MRC1: variants seen among roughly 807,000 people sequenced by gnomAD.
MRC1 encodes macrophage mannose receptor 1.
A neutral mutation model predicts 102.9 loss-of-function variants in MRC1; 62 were observed. That is an observed-to-expected ratio of 0.60 (90% CI 0.49 to 0.74). MRC1 has a LOEUF of 0.74. Among genes scored for constraint, MRC1 ranks in the 30% least tolerant of loss-of-function variants. The pLI, the probability that MRC1 is intolerant of heterozygous loss-of-function variation, is 0.00. For missense variants in MRC1, 1,237 were observed against 862.8 expected, an observed-to-expected ratio of 1.43 and a Z score of -5.43; for synonymous variants, 457 against 298.4, an observed-to-expected ratio of 1.53 and a Z score of -5.48.
intron 22 of MRC1, among the ~76,000 whole-genome samples, chr10:17,887,871 C>G (rs913656668): frequency 6.6e-6 from 1 of 152,142 alleles, no homozygotes; most frequent in Non-Finnish European, 1.5e-5. Flanking sequence ...GGTGCAATCT[C>G]GGCTCACTGC....
chr10:17,871,791 A>G (rs1833358468), intron 14 of MRC1, among the ~76,000 whole-genome samples, 191 bp from the exon 15 acceptor site: 1 of 152,214 alleles, frequency 6.6e-6, no homozygotes. Context: ...CAACATCACA[A>G]GGTTCCATGT....
chr10:17,828,289 G>C (rs1468034046), intron 3 of MRC1, among the ~76,000 whole-genome samples: 1 of 151,352 alleles, frequency 6.6e-6, no homozygotes, highest in Non-Finnish European at 1.5e-5. Context: ...TGTTAGCCAG[G>C]ATGGTCTCGA....
At chr10:17,811,931 G>C (rs1361004828) in intron 1 of MRC1, among the ~76,000 whole-genome samples, 1 of 152,014 alleles carries the variant, frequency 6.6e-6, no homozygotes, top group Non-Finnish European at 1.5e-5. Flanking sequence ...GCATGTGATT[G>C]GAGGAATTTG....
In MRC1 at chr10:17,901,912, G is replaced by T; in HGVS notation, c.3650-61G>T. 6 of 780,510 alleles carry T rather than the reference G, an allele frequency of 7.7e-6. No individual in the cohort carries two copies. In the South Asian group the frequency reaches 8.1e-5, roughly 10 times the overall value. 48.3% of individuals were successfully genotyped at this position (780,510 alleles called of 1,614,324 possible). On this transcript the variant is annotated intron_variant, in intron 25 of 29. Transcript: ENST00000569591. ...TCAGTTTTTGTAGCTGCTAATGTAT[G>T]ATGCTACACACTACAGAAACTTCAG... is the stretch of plus-strand genomic sequence containing the variant.
At position 17,842,997 on chromosome 10, in the gene MRC1, A is replaced by G. The variant is rs1359174497; in HGVS notation, c.916+2191A>G. On this transcript the variant is annotated intron_variant, in intron 5 of 29. Coordinates refer to ENST00000569591, the MANE Select transcript of MRC1 (RefSeq NM_002438.4). ...CGGTTTCATATTTGTTCAGTCAAGC[A>G]TTCAATTGAATAATTACCAAGTAAT... Among the ~76,000 whole-genome samples, 5 of 152,358 alleles carry G rather than the reference A, an allele frequency of 3.3e-5. No individual in the cohort carries two copies. In the South Asian group the frequency reaches 1.0e-3, roughly 32 times the overall value.
chr10:17,809,579 C>T (rs1838191577), intron 1 of MRC1, 53 bp downstream of exon 1: 1 of 864,304 alleles, frequency 1.2e-6, no homozygotes, highest in Admixed American at 1.7e-5. Flanking sequence ...GGAACCACAC[C>T]TTCCTCTTCT....
chr10:17,874,454 G>A (rs1833398414), intron 16 of MRC1, among the ~76,000 whole-genome samples: 1 of 152,134 alleles, frequency 6.6e-6, no homozygotes, highest in Middle Eastern at 3.2e-3. Flanking sequence ...GATGATCCAA[G>A]ATAACCCTCC....
intron 6 of MRC1, among the ~76,000 whole-genome samples, chr10:17,845,677 T>C (rs1371305130): frequency 6.6e-6 from 1 of 152,024 alleles, no homozygotes; most frequent in Non-Finnish European, 1.5e-5. Flanking sequence ...TCCCAATCAG[T>C]CCTCTGAGGT....
chr10:17,853,191 C>A, intron 8 of MRC1, 67 bp downstream of exon 8: 1 of 775,402 alleles, frequency 1.3e-6, no homozygotes, highest in South Asian at 1.4e-5. Flanking sequence ...CTGTCCCAGT[C>A]AGTTACATAT....
intron 16 of MRC1, among the ~76,000 whole-genome samples, 161 bp from the exon 17 acceptor site, chr10:17,874,929 A>T (rs887161295): frequency 3.3e-5 from 5 of 152,284 alleles, no homozygotes; most frequent in Admixed American, 3.3e-4. Flanking sequence ...TGGGGTTCAG[A>T]TGTCTGTATT....
chr10:17,875,823 T>C (rs1467154136), intron 17 of MRC1, among the ~76,000 whole-genome samples: 1 of 152,236 alleles, frequency 6.6e-6, no homozygotes, highest in Non-Finnish European at 1.5e-5. Flanking sequence ...TACTTTTAGT[T>C]CTTCAAGGAA....
chr10:17,905,268 A>G (rs1212175443), intron 26 of MRC1, among the ~76,000 whole-genome samples: 3 of 152,192 alleles, frequency 2.0e-5, no homozygotes, highest in Non-Finnish European at 4.4e-5. Context: ...AAGTTAAAAC[A>G]CTATAAAACT....
intron 18 of MRC1, among the ~76,000 whole-genome samples, chr10:17,878,201 C>G (rs954415500): frequency 2.6e-5 from 4 of 152,140 alleles, no homozygotes; most frequent in Non-Finnish European, 4.4e-5. Context: ...CTACACTTTT[C>G]TTTGTTTTCA....
At chr10:17,822,635 C>G (rs906147157) in intron 1 of MRC1, among the ~76,000 whole-genome samples, 5 of 152,304 alleles carry the variant, frequency 3.3e-5, no homozygotes, top group African/African-American at 1.2e-4. Context: ...AAACAACAAA[C>G]AAACACACAC....
chr10:17,876,910 A>G (rs1233416207), intron 17 of MRC1, among the ~76,000 whole-genome samples: 1 of 152,086 alleles, frequency 6.6e-6, no homozygotes, highest in Non-Finnish European at 1.5e-5. Flanking sequence ...GCCAGAGAGG[A>G]GGTAACAGAG....
At chr10:17,862,459 A>C (rs1833198292) in intron 10 of MRC1, among the ~76,000 whole-genome samples, 1 of 152,142 alleles carries the variant, frequency 6.6e-6, no homozygotes, top group African/African-American at 2.4e-5. Flanking sequence ...CTGCACTATA[A>C]TTGATCTTTT....
At chr10:17,871,755 T>A (rs1833357901) in intron 14 of MRC1, among the ~76,000 whole-genome samples, 1 of 152,318 alleles carries the variant, frequency 6.6e-6, no homozygotes, top group Admixed American at 6.5e-5. Context: ...AAGAAAATGT[T>A]ATAATAATCA....
chr10:17,818,096 T>C (rs1554838022), intron 1 of MRC1, among the ~76,000 whole-genome samples: 1 of 152,250 alleles, frequency 6.6e-6, no homozygotes, highest in Non-Finnish European at 1.5e-5. Flanking sequence ...TAAGTGTGTA[T>C]TGAAACAGAA....
At chr10:17,817,543 G>A (rs918532087) in intron 1 of MRC1, among the ~76,000 whole-genome samples, 18 of 152,204 alleles carry the variant, frequency 1.2e-4, no homozygotes, top group South Asian at 6.2e-4. Flanking sequence ...AGCATCTGGC[G>A]TGTGGTCATT....
Sources: gnomAD v4.1 joint callset for allele counts (sites outside exome capture counted in the v4.1 genomes callset) on GRCh38, gnomAD v4.1.1 for gene constraint, MANE v1.5 for transcripts, NCBI Gene and HGNC (gene_info 2026-07-23, HGNC 2026-07-21) for gene names.